Variants in FKBP5 observed in about 807,000 individuals in gnomAD.
FKBP5 encodes peptidyl-prolyl cis-trans isomerase FKBP5.
Under a neutral mutation model 50.5 loss-of-function variants are expected in FKBP5, and 23 were observed. The ratio of observed to expected loss-of-function variants is 0.46; its 90% CI spans 0.33 to 0.65. The LOEUF (loss-of-function observed/expected upper bound fraction) is 0.65. FKBP5 is among the 30% of genes least tolerant of loss of function. The probability of loss-of-function intolerance (pLI) is 0.02; values close to 1 mark genes in which losing one functional copy is unlikely to be tolerated. For synonymous variants in FKBP5, 176 were observed against 190.6 expected (o/e 0.92, Z 0.63); for missense variants, 411 against 553.1 (o/e 0.74, Z 2.58).
At chr6:35,705,233 T>TGTACAA (rs1241339015) in intron 2 of FKBP5, among the ~76,000 whole-genome samples, 1 of 3,576 alleles carries the variant, frequency 2.8e-4, no homozygotes, top group Non-Finnish European at 5.0e-4. Flanking sequence ...TATATATATA[T>TGTACAA]ATATATATAT....
intron 1 of FKBP5, among the ~76,000 whole-genome samples, chr6:35,672,101 C>T (rs1000635061): frequency 5.3e-5 from 8 of 152,184 alleles, no homozygotes; most frequent in Admixed American, 5.2e-4. Context: ...ATCTCCTGAC[C>T]TCATGATCCG....
chr6:35,586,401 C>T, intron 8 of FKBP5: 2 of 985,192 alleles, frequency 2.0e-6, no homozygotes, highest in African/African-American at 1.7e-5. Flanking sequence ...ACTCTCCTGT[C>T]AGTTTGTTTT....
intron 6 of FKBP5, among the ~76,000 whole-genome samples, chr6:35,593,239 A>G (rs913614075): frequency 6.6e-6 from 1 of 152,210 alleles, no homozygotes; most frequent in African/African-American, 2.4e-5. Context: ...TAACCAAAAG[A>G]TAATCTAGAC....
At chr6:35,598,395 T>G (rs2150964786) in intron 5 of FKBP5, among the ~76,000 whole-genome samples, 1 of 151,978 alleles carries the variant, frequency 6.6e-6, no homozygotes, top group Non-Finnish European at 1.5e-5. Flanking sequence ...GCTAATTTTG[T>G]TATTTTTAGT....
At chr6:35,576,679 C>A (rs1340038041) in intron 10 of FKBP5, among the ~76,000 whole-genome samples, 1 of 115,648 alleles carries the variant, frequency 8.6e-6, no homozygotes, top group Non-Finnish European at 1.8e-5. Context: ...GGGCAGGGGC[C>A]CGGGGGGCGG....
chr6:35,726,513 C>T (rs1463403328), intron 1 of FKBP5, among the ~76,000 whole-genome samples: 1 of 149,618 alleles, frequency 6.7e-6, no homozygotes, highest in Non-Finnish European at 1.5e-5. Context: ...GAGTCACGTC[C>T]ACCCCTCCCA....
chr6:35,624,918 G>A (rs1179584893), intron 3 of FKBP5, among the ~76,000 whole-genome samples: 3 of 152,062 alleles, frequency 2.0e-5, no homozygotes, highest in African/African-American at 4.8e-5. Flanking sequence ...ACTCACTGAC[G>A]GGAGCAATGT....
intron 7 of FKBP5, among the ~76,000 whole-genome samples, chr6:35,590,403 G>C (rs1250351916): frequency 1.3e-5 from 2 of 152,162 alleles, no homozygotes; most frequent in Non-Finnish European, 2.9e-5. Context: ...GTGGGGCTTT[G>C]GAAATGCCAG....
rs1381478541 is a variant in FKBP5 at position 35,705,235 on chromosome 6, T to A, written c.-20+15093A>T. On this transcript the variant is annotated intron_variant, in intron 2 of 11. Transcript: ENST00000536438. ...ACAAATATATATATATATATATATA[T>A]ATATATATATATATATATATATATT... 2.1e-3 allele frequency among the ~76,000 whole-genome samples: 8 copies of A among 3,754 alleles called. No homozygotes were observed. In the East Asian group the frequency reaches 0.045, roughly 21 times the overall value. The allele number at this position is 3,754 out of a possible 152,430, so 2.5% of individuals were successfully genotyped here.
intron 2 of FKBP5, among the ~76,000 whole-genome samples, chr6:35,703,406 C>A (rs972152415): frequency 1.3e-5 from 2 of 151,888 alleles, no homozygotes; most frequent in African/African-American, 4.8e-5. Context: ...ATGACTCCAT[C>A]TCAAAAAAAA....
At chr6:35,634,449 G>A (rs1253385303) in intron 3 of FKBP5, among the ~76,000 whole-genome samples, 1 of 152,070 alleles carries the variant, frequency 6.6e-6, no homozygotes, top group Non-Finnish European at 1.5e-5. Flanking sequence ...ACCTACTAAA[G>A]ACCCAAAGGA....
intron 1 of FKBP5, among the ~76,000 whole-genome samples, chr6:35,722,389 G>C (rs1283799710): frequency 6.6e-6 from 1 of 152,234 alleles, no homozygotes; most frequent in East Asian, 1.9e-4. Context: ...CTTGCTGAGG[G>C]CTGTGAATGT....
At chr6:35,628,177 A>T (rs748956681) in intron 3 of FKBP5, among the ~76,000 whole-genome samples, 2 of 151,868 alleles carry the variant, frequency 1.3e-5, no homozygotes, top group Admixed American at 6.6e-5. Flanking sequence ...TAAGATAAGG[A>T]CCCAATTTCA....
At chr6:35,645,617 G>A (rs1764608751) in intron 1 of FKBP5, among the ~76,000 whole-genome samples, 1 of 152,186 alleles carries the variant, frequency 6.6e-6, no homozygotes, top group African/African-American at 2.4e-5. Context: ...ACTACTATAT[G>A]TCAGCCTTTT....
chr6:35,598,984 A>T lies in FKBP5; in HGVS notation c.509-1580T>A, dbSNP rs1581800194. On this transcript the variant is annotated intron_variant, in intron 5 of 10. Transcript: ENST00000357266. ...AGGGAGACTCCATCTCAAAATAAAT[A>T]AAAAAATAAATAAATAAAAATAAAA... 2.0e-5 allele frequency among the ~76,000 whole-genome samples: 3 copies of T among 151,928 alleles called. No individual in the cohort carries two copies. In the South Asian group the frequency reaches 6.2e-4, roughly 32 times the overall value.
At chr6:35,683,594 T>G (rs984556782) in intron 1 of FKBP5, among the ~76,000 whole-genome samples, 1 of 150,934 alleles carries the variant, frequency 6.6e-6, no homozygotes, top group African/African-American at 2.4e-5. Context: ...GCCTCTTGAG[T>G]AGTTGGGACT....
chr6:35,648,359 T>A (rs1205906009), intron 1 of FKBP5, among the ~76,000 whole-genome samples: 9 of 152,102 alleles, frequency 5.9e-5, no homozygotes, highest in Admixed American at 5.2e-4. Flanking sequence ...AGCCTTGAAT[T>A]CCTGGGCTCA....
chr6:35,610,567 CAAAAAAAAAA>C (rs35101873), intron 5 of FKBP5, among the ~76,000 whole-genome samples: 5 of 58,620 alleles, frequency 8.5e-5, no homozygotes, highest in South Asian at 9.8e-4. Context: ...GACTCCGTCT[CAAAAAAAAAA>C]AAAAAAAAAA....
At chr6:35,600,156 C>T (rs1480541733) in intron 5 of FKBP5, among the ~76,000 whole-genome samples, 1 of 152,156 alleles carries the variant, frequency 6.6e-6, no homozygotes, top group East Asian at 1.9e-4. Context: ...CTCACGGGAC[C>T]ACTGTCCTAT....
Sources: gnomAD v4.1 joint callset for allele counts (sites outside exome capture counted in the v4.1 genomes callset) on GRCh38, gnomAD v4.1.1 for gene constraint, MANE v1.5 for transcripts, NCBI Gene and HGNC (gene_info 2026-07-23, HGNC 2026-07-21) for gene names.